Variants in ESRRG observed in about 807,000 individuals in gnomAD.
The protein encoded by ESRRG is estrogen related receptor gamma.
ESRRG carries 13 observed loss-of-function variants against 44.0 expected under a neutral mutation model. The observed-to-expected ratio is 0.30, with a 90% CI of 0.19 to 0.47. ESRRG has a LOEUF of 0.47. Among genes scored for constraint, ESRRG ranks in the 20% least tolerant of loss-of-function variants. ESRRG has a pLI of 1.00. For missense variants in ESRRG, 395 were observed against 580.6 expected, an observed-to-expected ratio of 0.68 and a Z score of 3.29; for synonymous variants, 215 against 214.6, an observed-to-expected ratio of 1.00 and a Z score of -0.02.
intron 5 of ESRRG, among the ~76,000 whole-genome samples, chr1:216,549,513 A>G (rs2055607810): frequency 6.6e-6 from 1 of 152,116 alleles, no homozygotes; most frequent in African/African-American, 2.4e-5. Flanking sequence ...CCAGGAGAGC[A>G]TAATTAGAGA....
At chr1:217,133,942 G>A (rs903161159) in intron 1 of ESRRG, among the ~76,000 whole-genome samples, 1 of 152,078 alleles carries the variant, frequency 6.6e-6, no homozygotes, top group Admixed American at 6.5e-5. Context: ...TGCCTATGAA[G>A]ATGTACTAAG....
At position 216,580,128 on chromosome 1, in the gene ESRRG, T is replaced by G. The variant is rs2062467504; in HGVS notation, c.590-12030A>C. Among the ~76,000 whole-genome samples, 5 of 152,352 alleles carry G rather than the reference T, an allele frequency of 3.3e-5. No homozygotes were observed. The South Asian group carries it at 1.0e-3, about 32-fold the overall frequency. On this transcript the variant is annotated intron_variant, in intron 3 of 6. Transcript: ENST00000408911. ...ATACATCATCATTAGCCATGCAGTA[T>G]GTATCACATGCCTGCTACACAGTAG...
At chr1:216,917,378 A>G (rs182432272) in intron 2 of ESRRG, among the ~76,000 whole-genome samples, 181 of 152,206 alleles carry the variant, frequency 1.2e-3, no homozygotes, top group African/African-American at 4.2e-3. Context: ...AATGTAGCCA[A>G]TTACCACTGA....
At chr1:216,850,342 C>G (rs979793956) in intron 2 of ESRRG, among the ~76,000 whole-genome samples, 2 of 151,888 alleles carry the variant, frequency 1.3e-5, no homozygotes, top group Non-Finnish European at 2.9e-5. Flanking sequence ...TTCCTCTTCT[C>G]CAGAAGAAAA....
At chr1:217,014,319 C>T (rs2079043311) in intron 1 of ESRRG, among the ~76,000 whole-genome samples, 1 of 151,994 alleles carries the variant, frequency 6.6e-6, no homozygotes, top group East Asian at 1.9e-4. Context: ...CTTCTTTTGT[C>T]AGGCAAAGGT....
At chr1:216,829,649 G>T (rs536638373) in intron 2 of ESRRG, among the ~76,000 whole-genome samples, 2 of 151,604 alleles carry the variant, frequency 1.3e-5, no homozygotes, top group African/African-American at 4.9e-5. Context: ...CCGCCTCCTG[G>T]GTTCAAGTGA....
At chr1:216,918,593 T>C (rs1001565919) in intron 2 of ESRRG, among the ~76,000 whole-genome samples, 4 of 152,120 alleles carry the variant, frequency 2.6e-5, no homozygotes, top group African/African-American at 9.7e-5. Flanking sequence ...TGTTCTCTAC[T>C]ATTATTTAAC....
intron 1 of ESRRG, among the ~76,000 whole-genome samples, chr1:217,106,392 GCA>G (rs3075354): frequency 0.024 from 1,955 of 82,316 alleles, 43 homozygotes; most frequent in African/African-American, 0.094. Flanking sequence ...ACTCACATAT[GCA>G]CACACACACA....
At chr1:216,972,632 AG>A (rs1286569903) in intron 1 of ESRRG, among the ~76,000 whole-genome samples, 13 of 152,148 alleles carry the variant, frequency 8.5e-5, no homozygotes, top group African/African-American at 3.1e-4. Flanking sequence ...GCACTTAATA[AG>A]GAGGATTATC....
rs369071511 is a variant in ESRRG at position 217,086,001 on chromosome 1, ACTT to A, written c.-106+3503_-106+3505del. 6.9e-3 allele frequency among the ~76,000 whole-genome samples: 1,053 copies of A among 152,276 alleles called. 7 individuals are homozygous for A. Among genetic ancestry groups the A allele is most frequent in the Middle Eastern group, 0.034 (10 of 294 alleles). On this transcript the variant is annotated intron_variant, in intron 1 of 7. Transcript: ENST00000359162. Reference sequence around the variant, plus strand: ...ACTGACAACAAAGTGACAAGAGAAAACTTCTTCCTTTGCACAAGAAGTCCCGGT... The same window carrying A: ...ACTGACAACAAAGTGACAAGAGAAAACTTCCTTTGCACAAGAAGTCCCGGT...
At chr1:216,582,689 G>A (rs914607302) in intron 3 of ESRRG, among the ~76,000 whole-genome samples, 4 of 152,150 alleles carry the variant, frequency 2.6e-5, no homozygotes, top group Non-Finnish European at 4.4e-5. Context: ...CACAAGTGGT[G>A]AGCTCCATTT....
chr1:216,815,545 T>G (rs2095106680), intron 2 of ESRRG, among the ~76,000 whole-genome samples: 1 of 152,214 alleles, frequency 6.6e-6, no homozygotes, highest in Non-Finnish European at 1.5e-5. Flanking sequence ...CTTTTGGGGC[T>G]CTGTGCCACC....
intron 1 of ESRRG, among the ~76,000 whole-genome samples, chr1:216,979,041 C>T (rs1245258220): frequency 2.0e-5 from 3 of 152,080 alleles, no homozygotes; most frequent in Non-Finnish European, 4.4e-5. Flanking sequence ...TCCATGCTCT[C>T]TCTCCCTCCC....
intron 3 of ESRRG, among the ~76,000 whole-genome samples, chr1:216,650,629 C>T (rs138452403): frequency 0.014 from 2,123 of 152,090 alleles, 22 homozygotes; most frequent in Non-Finnish European, 0.023. Flanking sequence ...TCTCTGCAAA[C>T]CTAGTAATGA....
chr1:216,521,596 T>C (rs530167532), intron 5 of ESRRG, among the ~76,000 whole-genome samples: 19 of 152,256 alleles, frequency 1.2e-4, no homozygotes, highest in Admixed American at 3.3e-4. Flanking sequence ...CCGCAGCACC[T>C]TCCTGTGACA....
At chr1:217,063,618 T>G (rs2089025258) in intron 1 of ESRRG, among the ~76,000 whole-genome samples, 1 of 152,078 alleles carries the variant, frequency 6.6e-6, no homozygotes, top group Non-Finnish European at 1.5e-5. Context: ...ACCCTCCAAC[T>G]AGAGAAGCTA....
rs376683107 is a variant in ESRRG, at chr1:216,986,642, G to A, written c.-105-46969C>T. Among the ~76,000 whole-genome samples the A allele has an allele frequency of 3.3e-4, 50 of 150,482 alleles. 2 individuals carry two copies. The East Asian group carries it at 5.2e-3, about 16-fold the overall frequency. On this transcript the variant is annotated intron_variant, in intron 1 of 7. Transcript: ENST00000359162. Reference sequence around the variant, plus strand: ...CTCGGGAGGCTGAGGCTGGAGGATCGCTTGAGCCCGAGGGGCAGAGATTGC... The same window carrying A: ...CTCGGGAGGCTGAGGCTGGAGGATCACTTGAGCCCGAGGGGCAGAGATTGC...
upstream of ESRRG, among the ~76,000 whole-genome samples, chr1:216,726,936 C>A (rs2087650182): frequency 6.6e-6 from 1 of 152,170 alleles, no homozygotes; most frequent in South Asian, 2.1e-4. Flanking sequence ...CATTTTATTA[C>A]ATTTAAGTCA....
At chr1:216,828,608 G>T (rs1233259445) in intron 2 of ESRRG, among the ~76,000 whole-genome samples, 1 of 152,156 alleles carries the variant, frequency 6.6e-6, no homozygotes, top group Non-Finnish European at 1.5e-5. Context: ...ATTATTTGTT[G>T]TCTCTACAAG....
Sources: gnomAD v4.1 joint callset for allele counts (sites outside exome capture counted in the v4.1 genomes callset) on GRCh38, gnomAD v4.1.1 for gene constraint, MANE v1.5 for transcripts, NCBI Gene and HGNC (gene_info 2026-07-23, HGNC 2026-07-21) for gene names.